Variants in DNAH11 observed in about 807,000 individuals in gnomAD.
The protein encoded by DNAH11 is dynein axonemal heavy chain 11, also known as axonemal beta dynein heavy chain 11.
DNAH11 carries 442 observed loss-of-function variants against 526.0 expected under a neutral mutation model. The ratio of observed to expected loss-of-function variants is 0.84; its 90% CI spans 0.78 to 0.91. The LOEUF (loss-of-function observed/expected upper bound fraction) is 0.91. Ranked by LOEUF, DNAH11 falls within the 40% of genes least tolerant of loss-of-function variation. The pLI, the probability that DNAH11 is intolerant of heterozygous loss-of-function variation, is 0.00. For missense variants in DNAH11, 6,989 were observed against 5,448.7 expected (o/e 1.28, Z -8.90); for synonymous variants, 2,461 against 1,935.9 (o/e 1.27, Z -7.12).
chr7:21,785,660 C>T (rs770058543), intron 58 of DNAH11, among the ~76,000 whole-genome samples: 6 of 150,684 alleles, frequency 4.0e-5, no homozygotes, highest in Non-Finnish European at 8.8e-5. Context: ...ACTCTTTACT[C>T]AGGCAAAATA....
chr7:21,701,738 C>T (rs1055964904), intron 36 of DNAH11, among the ~76,000 whole-genome samples: 9 of 151,978 alleles, frequency 5.9e-5, no homozygotes, highest in African/African-American at 1.7e-4. Flanking sequence ...ATTGTTTTAC[C>T]GCCCACAAAA....
chr7:21,578,550 C>T (rs1784188976), intron 8 of DNAH11, among the ~76,000 whole-genome samples: 1 of 152,136 alleles, frequency 6.6e-6, no homozygotes, highest in Admixed American at 6.5e-5. Flanking sequence ...AGTGGATCTC[C>T]CATTCTGGGG....
At chr7:21,583,491 C>CCCAGG (rs1784383327) in intron 9 of DNAH11, among the ~76,000 whole-genome samples, 2 of 152,122 alleles carry the variant, frequency 1.3e-5, no homozygotes, top group Non-Finnish European at 2.9e-5. Flanking sequence ...TAGAAGAAAT[C>CCCAGG]CCAGGCAATA....
intron 54 of DNAH11, 37 bp downstream of exon 54, chr7:21,750,401 A>T (rs759914300): frequency 1.3e-6 from 2 of 1,568,946 alleles, no homozygotes; most frequent in Non-Finnish European, 1.7e-6. Context: ...GTTAGTTAAA[A>T]CCTGCTATTG....
At chr7:21,781,118 A>G (rs963321259) in intron 57 of DNAH11, among the ~76,000 whole-genome samples, 3 of 152,234 alleles carry the variant, frequency 2.0e-5, no homozygotes, top group Admixed American at 6.5e-5. Context: ...GCAATGTGCT[A>G]GATACTATGC....
chr7:21,645,590 A>G (rs1423414173), intron 28 of DNAH11, among the ~76,000 whole-genome samples: 3 of 152,152 alleles, frequency 2.0e-5, no homozygotes, highest in African/African-American at 4.8e-5. Flanking sequence ...TAAGGAGGAT[A>G]TATACAGAGA....
chr7:21,724,780 C>G (rs1480124490), intron 44 of DNAH11, among the ~76,000 whole-genome samples: 1 of 151,968 alleles, frequency 6.6e-6, no homozygotes, highest in Non-Finnish European at 1.5e-5. Flanking sequence ...ATAGGAGTCA[C>G]TGGGCCAGGT....
chr7:21,884,156 T>G (rs750262290), intron 75 of DNAH11, 135 bp from the exon 76 acceptor site: 52 of 671,028 alleles, frequency 7.7e-5, no homozygotes, highest in Non-Finnish European at 1.1e-4. Flanking sequence ...CTTAGACAAT[T>G]TCTGAAGCAC....
At chr7:21,744,059 C>T (rs905013330) in intron 49 of DNAH11, among the ~76,000 whole-genome samples, 1 of 152,004 alleles carries the variant, frequency 6.6e-6, no homozygotes, top group Non-Finnish European at 1.5e-5. Context: ...AATGATTAGA[C>T]TGATATCAAG....
intron 59 of DNAH11, among the ~76,000 whole-genome samples, chr7:21,787,193 T>C (rs190606732): frequency 2.0e-5 from 3 of 152,368 alleles, no homozygotes; most frequent in East Asian, 3.8e-4. Context: ...CTGAATATTT[T>C]ACCCTGGGAT....
chr7:21,605,223 T>C (rs1241724878), intron 18 of DNAH11, among the ~76,000 whole-genome samples: 1 of 152,202 alleles, frequency 6.6e-6, no homozygotes, highest in Non-Finnish European at 1.5e-5. Context: ...ATCAAATATT[T>C]ACTGAGGTTT....
Position 21,901,130 on chromosome 7 carries a change from A to ACGAGTGCCCTGTGTATAGAAC in DNAH11, c.13429_13449dup (p.Glu4477_Thr4483dup). 3 of 1,613,330 alleles carry ACGAGTGCCCTGTGTATAGAAC rather than the reference A, an allele frequency of 1.9e-6. No individual in the cohort carries two copies. The highest frequency in any genetic ancestry group is 1.7e-6 in the Non-Finnish European group (2 of 1,179,426). ...GACAGACAAGAAACCAAACAGACCT[A>ACGAGTGCCCTGTGTATAGAAC]CGAGTGCCCTGTGTATAGAACCAAA... On this transcript the variant is annotated inframe_insertion, in exon 82 of 82. Transcript: ENST00000409508.
At chr7:21,736,781 G>A (rs543523991) in intron 46 of DNAH11, among the ~76,000 whole-genome samples, 1 of 152,136 alleles carries the variant, frequency 6.6e-6, no homozygotes, top group Non-Finnish European at 1.5e-5. Context: ...TTGAGCCCAG[G>A]AGTTTGAGTC....
intron 12 of DNAH11, among the ~76,000 whole-genome samples, chr7:21,589,634 G>C (rs1177716630): frequency 1.3e-5 from 2 of 152,064 alleles, no homozygotes; most frequent in African/African-American, 2.4e-5. Context: ...ACCCTCACTA[G>C]ATAATGAGCC....
chr7:21,620,217 A>G lies in DNAH11; in HGVS notation c.4500+139A>G, dbSNP rs536997530. On this transcript the variant is annotated intron_variant, in intron 25 of 81. Coordinates refer to ENST00000409508, the MANE Select transcript of DNAH11 (RefSeq NM_001277115.2). Reference sequence around the variant, plus strand: ...TAAATCAGGCTAACCGTCATCTCATACACTTAACATTTTTTTTGTGGTGAA... The same window carrying G: ...TAAATCAGGCTAACCGTCATCTCATGCACTTAACATTTTTTTTGTGGTGAA... The G allele has an allele frequency of 1.9e-5, 14 of 752,528 alleles. No homozygotes were observed. The South Asian group carries it at 3.6e-4, about 19-fold the overall frequency. 46.6% of individuals were successfully genotyped at this position (752,528 alleles called of 1,614,324 possible).
intron 6 of DNAH11, among the ~76,000 whole-genome samples, chr7:21,569,319 G>A (rs747556879): frequency 5.9e-5 from 9 of 152,130 alleles, no homozygotes; most frequent in African/African-American, 9.7e-5. Flanking sequence ...TCAGGAAGAG[G>A]TAGCATACAA....
Position 21,874,763 on chromosome 7 carries a change from A to G in DNAH11, c.12195+1262A>G, listed in dbSNP as rs1258388784. ...TCTTTTTACCCAAACTATCCTATCT[A>G]TCAACATCATTGTCAAGTCTTTCAG... On this transcript the variant is annotated intron_variant, in intron 74 of 81. Transcript: ENST00000409508. 3.3e-5 allele frequency among the ~76,000 whole-genome samples: 5 copies of G among 152,038 alleles called. 1 individual carries two copies. Among genetic ancestry groups the G allele is most frequent in the Middle Eastern group, 3.2e-3 (1 of 314 alleles).
intron 74 of DNAH11, among the ~76,000 whole-genome samples, chr7:21,874,071 A>T (rs1340460415): frequency 6.6e-6 from 1 of 151,924 alleles, no homozygotes; most frequent in Non-Finnish European, 1.5e-5. Flanking sequence ...GATTACAGAC[A>T]TGAGCCACCG....
intron 2 of DNAH11, among the ~76,000 whole-genome samples, chr7:21,554,313 A>T (rs550848577): frequency 6.6e-6 from 1 of 151,832 alleles, no homozygotes; most frequent in Admixed American, 6.6e-5. Context: ...AGCTGAGATT[A>T]CAGGTGCGTA....
Sources: allele counts gnomAD v4.1 joint callset (sites outside exome capture counted in the v4.1 genomes callset), GRCh38; gene constraint gnomAD v4.1.1; transcripts MANE v1.5; gene names NCBI Gene and HGNC (gene_info 2026-07-23, HGNC 2026-07-21).